FBL: variants seen among roughly 807,000 people sequenced by gnomAD.
FBL encodes the protein rRNA 2'-O-methyltransferase fibrillarin.
A neutral mutation model predicts 42.2 loss-of-function variants in FBL; 10 were observed. The observed-to-expected ratio is 0.24, with a 90% CI of 0.15 to 0.40. The LOEUF is 0.40. FBL is among the 10% of genes least tolerant of loss of function. The pLI is 1.00. For missense variants in FBL, 351 were observed against 439.2 expected, an observed-to-expected ratio of 0.80 and a Z score of 1.79; for synonymous variants, 165 against 165.4, an observed-to-expected ratio of 1.00 and a Z score of 0.02.
At chr19:39,835,150 G>A (rs184456185) in intron 7 of FBL, among the ~76,000 whole-genome samples, 47 of 152,274 alleles carry the variant, frequency 3.1e-4, no homozygotes, top group South Asian at 8.3e-4. Flanking sequence ...GAAGGCCCTC[G>A]CCAGATTCAG....
intron 1 of FBL, among the ~76,000 whole-genome samples, chr19:39,843,438 T>C (rs556240346): frequency 2.6e-5 from 4 of 152,300 alleles, no homozygotes; most frequent in Non-Finnish European, 5.9e-5. Flanking sequence ...GGAAGGTTCA[T>C]AGGGGTCTTG....
intron 1 of FBL, 40 bp downstream of exon 1, chr19:39,846,251 G>C: frequency 6.2e-7 from 1 of 1,612,340 alleles, no homozygotes; most frequent in East Asian, 2.2e-5. Flanking sequence ...ATTCCCGCCC[G>C]GCCTCCGTCC....
In FBL at chr19:39,840,771, C is replaced by T. The variant is rs1364713150; in HGVS notation, c.27G>A (p.Gly9=). 1.3e-6 allele frequency: 2 copies of T among 1,559,046 alleles called. No individual in the cohort carries two copies. The highest frequency in any genetic ancestry group is 1.7e-6 in the Non-Finnish European group (2 of 1,151,828). The change falls in exon 2 of 9, where the codon GGG becomes GGA. Residue 9 remains glycine, a synonymous_variant. Transcript: ENST00000221801. This position sits in a 1 kb window ranked among gnomAD's most constrained non-coding sequence, Gnocchi z 4.5. MKPGFSPR[G]GGFGGRGGFG... ...AGCCCCCTCGGCCGCCAAAGCCACC[C>T]CCACGGGGACTGAATCCTGTGGGGG...
At chr19:39,845,793 C>T (rs1306820876) in intron 1 of FBL, among the ~76,000 whole-genome samples, 1 of 152,166 alleles carries the variant, frequency 6.6e-6, no homozygotes, top group African/African-American at 2.4e-5. Flanking sequence ...CCACTCCGGC[C>T]CACTCGGAAA....
chr19:39,834,905 C>A, intron 7 of FBL, 92 bp from the exon 8 acceptor site: 1 of 1,358,998 alleles, frequency 7.4e-7, no homozygotes, highest in Non-Finnish European at 1.0e-6. Context: ...ATTATTAATT[C>A]AAGTAAAACT....
At chr19:39,836,711 A>G (rs1222884287) in intron 6 of FBL, 43 bp from the exon 7 acceptor site, 3 of 1,459,832 alleles carry the variant, frequency 2.1e-6, no homozygotes, top group Non-Finnish European at 1.9e-6. Context: ...AGTCACAGGG[A>G]TCACCCCAGA....
At chr19:39,842,208 C>A (rs1045549503) in intron 1 of FBL, among the ~76,000 whole-genome samples, 1 of 152,072 alleles carries the variant, frequency 6.6e-6, no homozygotes, top group African/African-American at 2.4e-5. Flanking sequence ...GCCTCAGCCT[C>A]CCCAGTAGCT....
chr19:39,839,345 G>A, intron 4 of FBL, 140 bp from the exon 5 acceptor site: 1 of 646,312 alleles, frequency 1.5e-6, no homozygotes, highest in Non-Finnish European at 2.6e-6. Context: ...CAGTGACCAT[G>A]CACATGCAGT....
chr19:39,834,840 A>G (rs1292716819), intron 7 of FBL, 27 bp from the exon 8 acceptor site: 44 of 1,613,292 alleles, frequency 2.7e-5, no homozygotes, highest in African/African-American at 4.0e-5. Context: ...ACTAATGTCT[A>G]CAACAGGGCT....
At chr19:39,846,081 C>T (rs1335908694) in intron 1 of FBL, among the ~76,000 whole-genome samples, 1 of 152,206 alleles carries the variant, frequency 6.6e-6, no homozygotes, top group Admixed American at 6.5e-5. Context: ...GCCAGGCCCA[C>T]GGCCTTCTTC....
Position 39,839,221 on chromosome 19 carries a change from G to A in FBL, c.379-16C>T. 1 of 1,601,032 alleles carries A rather than the reference G, an allele frequency of 6.2e-7. No homozygotes were observed. Among genetic ancestry groups the A allele is most frequent in the Non-Finnish European group, 8.5e-7 (1 of 1,172,672 alleles). On this transcript the variant is annotated splice_polypyrimidine_tract_variant and intron_variant, in intron 4 of 8. Coordinates refer to ENST00000221801, the MANE Select transcript of FBL (RefSeq NM_001436.4). ...CATCTCCTTCCTAGATGAGAGATGG[G>A]GACAGAAGTCAGTGCTAGGCTCTTC... is the stretch of plus-strand genomic sequence containing the variant.
chr19:39,834,752 AT>A lies in FBL; in HGVS notation c.856del (p.Met286CysfsTer6). 1 of 1,614,196 alleles carries A rather than the reference AT, an allele frequency of 6.2e-7. No individual in the cohort carries two copies. The highest frequency in any genetic ancestry group is 8.5e-7 in the Non-Finnish European group (1 of 1,180,028). ...EAVFASEVKK[M>X]QQENMKPQEQ... ...CTGCGGCTTCATGTTCTCCTGTTGC[AT>A]CTTTTTCACTTCGGAGGCAAACACG... On this transcript the variant is annotated frameshift_variant, in exon 8 of 9. Coordinates refer to ENST00000221801, the MANE Select transcript of FBL (RefSeq NM_001436.4). LOFTEE classifies it high-confidence loss of function.
Position 39,840,671 on chromosome 19 carries a change from G to C in FBL, c.127C>G (p.Arg43Gly). Residue 43 changes from arginine to glycine, a missense_variant, in exon 2 of 9, where the codon CGT becomes GGT. Arg to Gly is a moderately radical substitution (Grantham distance 125, BLOSUM62 -2). Coordinates refer to ENST00000221801, the MANE Select transcript of FBL (RefSeq NM_001436.4). The surrounding 1 kb of genome is among the most constrained non-coding windows in gnomAD (Gnocchi z 4.5). Reference sequence around the variant, plus strand: ...CCGCCTCCACCTCCTCCTCGTCCACGACCTCTAAAGCCTCCGCCTCGACCT... The same window carrying C: ...CCGCCTCCACCTCCTCCTCGTCCACCACCTCTAAAGCCTCCGCCTCGACCT... The part of the protein sequence containing the change: ...GRGRGGGFRG[R>G]GRGGGGGGGG... The C allele has an allele frequency of 6.2e-7, 1 of 1,605,622 alleles. No homozygotes were observed. The highest frequency in any genetic ancestry group is 8.5e-7 in the Non-Finnish European group (1 of 1,176,278).
In FBL at chr19:39,836,551, C is replaced by T. The variant is rs371667764; in HGVS notation, c.795+5G>A. The T allele has an allele frequency of 1.1e-5, 18 of 1,598,938 alleles. No homozygotes were observed. Among genetic ancestry groups the T allele is most frequent in the Admixed American group, 3.3e-5 (2 of 59,970 alleles). On this transcript the variant is annotated splice_donor_5th_base_variant and intron_variant, in intron 7 of 8. Transcript: ENST00000221801. ...CCCCATCTTAGACTCTTCCAAACCC[C>T]GCACCTTAATGGAAATCACAAAGTG...
chr19:39,840,132 T>C lies in FBL; in HGVS notation c.378+101A>G. ...TGTGGTTTACATATTATGACAATCC[T>C]CCAGCTGTCACGTGCAGGACACATG... is the stretch of plus-strand genomic sequence containing the variant. On this transcript the variant is annotated intron_variant, in intron 4 of 8. Transcript: ENST00000221801. This position sits in a 1 kb window ranked among gnomAD's most constrained non-coding sequence, Gnocchi z 4.5. The C allele has an allele frequency of 1.2e-6, 1 of 818,106 alleles. No homozygotes were observed. The highest frequency in any genetic ancestry group is 2.1e-6 in the Non-Finnish European group (1 of 476,322). The allele number at this position is 818,106 out of a possible 1,614,324, so 50.7% of individuals were successfully genotyped here.
intron 4 of FBL, among the ~76,000 whole-genome samples, chr19:39,839,728 A>T (rs1969120382): frequency 6.6e-6 from 1 of 152,060 alleles, no homozygotes; most frequent in South Asian, 2.1e-4. Context: ...GGGCCATTCA[A>T]GTTATCTGAG....
intron 1 of FBL, among the ~76,000 whole-genome samples, chr19:39,844,813 G>GT (rs1969229468): frequency 3.3e-5 from 5 of 152,240 alleles, no homozygotes; most frequent in Non-Finnish European, 5.9e-5. Context: ...ACTGCACCAC[G>GT]CCCCTGCTCA....
At position 39,840,745 on chromosome 19, in the gene FBL, A is replaced by G. The variant is rs200799095; in HGVS notation, c.53T>C (p.Phe18Ser). Residue 18 changes from phenylalanine (F) to serine (S), a missense_variant, in exon 2 of 9, where the codon TTT becomes TCT. Coordinates refer to ENST00000221801, the MANE Select transcript of FBL (RefSeq NM_001436.4). This position sits in a 1 kb window ranked among gnomAD's most constrained non-coding sequence, Gnocchi z 4.5. ...RGGGFGGRGGFGDRGGRGGRG... is the reference protein window; with the variant it reads ...RGGGFGGRGGSGDRGGRGGRG... ...GCCTCCACGACCACCACGGTCACCA[A>G]AGCCCCCTCGGCCGCCAAAGCCACC... 6.4e-7 allele frequency: 1 copy of G among 1,574,600 alleles called. No homozygotes were observed. The highest frequency in any genetic ancestry group is 2.3e-5 in the East Asian group (1 of 42,816).
At chr19:39,839,963 GT>G (rs776748385) in intron 4 of FBL, among the ~76,000 whole-genome samples, 5 of 151,988 alleles carry the variant, frequency 3.3e-5, no homozygotes, top group African/African-American at 4.8e-5. Context: ...AGGACACTTG[GT>G]CAGAGAGTTA....
Sources: gnomAD v4.1 joint callset for allele counts (sites outside exome capture counted in the v4.1 genomes callset) on GRCh38, gnomAD v4.1.1 for gene constraint, Gnocchi (gnomAD v3.1) non-coding constraint, MANE v1.5 for transcripts, NCBI Gene and HGNC (gene_info 2026-07-23, HGNC 2026-07-21) for gene names.